Variants in CCDC7 observed in about 807,000 individuals in gnomAD.
CCDC7 encodes the protein coiled-coil domain containing 7, also known as coiled-coil domain-containing protein 7.
A neutral mutation model predicts 196.9 loss-of-function variants in CCDC7; 183 were observed. The observed-to-expected ratio is 0.93, with a 90% CI of 0.82 to 1.05. The LOEUF (loss-of-function observed/expected upper bound fraction) is 1.05, where lower values mean the gene tolerates loss of function less well. Ranked by LOEUF, CCDC7 falls within the 50% of genes least tolerant of loss-of-function variation. CCDC7 has a pLI of 0.00. For synonymous variants in CCDC7, 525 were observed against 484.6 expected (o/e 1.08, Z -1.10); for missense variants, 1,540 against 1,482.2 (o/e 1.04, Z -0.64).
chr10:32,446,882 TTGCCTGCCTGCC>T (rs71027088), upstream of CCDC7, among the ~76,000 whole-genome samples: 1 of 111,128 alleles, frequency 9.0e-6, no homozygotes, highest in African/African-American at 2.9e-5. Context: ...CAAGTGAGCG[TTGCCTGCCTGCC>T]TGCCTGCCTG....
At position 32,745,448 on chromosome 10, in the gene CCDC7, G is replaced by A. The variant is rs184809275; in HGVS notation, c.2905+15991G>A. 8.1e-4 allele frequency among the ~76,000 whole-genome samples: 124 copies of A among 152,326 alleles called. 1 individual carries two copies. The highest frequency in any genetic ancestry group is 2.1e-4 in the South Asian group (1 of 4,824). On this transcript the variant is annotated intron_variant, in intron 28 of 41. Transcript: ENST00000639629. ...CACAATGTAAGGGGAAGGAGAGCCA[G>A]CATATTACATGACAAGTGAGGGAGC...
At chr10:32,500,161 C>T (rs999889064) in intron 9 of CCDC7, among the ~76,000 whole-genome samples, 5 of 151,692 alleles carry the variant, frequency 3.3e-5, no homozygotes, top group African/African-American at 9.7e-5. Flanking sequence ...GGGCTCCCCA[C>T]TTCCCAGACG....
At chr10:32,541,371 A>G (rs1564595081) in intron 11 of CCDC7, among the ~76,000 whole-genome samples, 1 of 132,562 alleles carries the variant, frequency 7.5e-6, no homozygotes. Flanking sequence ...CCATATGGGT[A>G]TCAATGGGAG....
At chr10:32,593,370 C>T (rs1237296908) in intron 18 of CCDC7, among the ~76,000 whole-genome samples, 2 of 152,074 alleles carry the variant, frequency 1.3e-5, no homozygotes, top group African/African-American at 4.8e-5. Flanking sequence ...CTGTTCATAT[C>T]CTTTGCTCAC....
chr10:32,539,615 T>G (rs2051078973), intron 11 of CCDC7, among the ~76,000 whole-genome samples: 1 of 152,184 alleles, frequency 6.6e-6, no homozygotes, highest in South Asian at 2.1e-4. Flanking sequence ...GTTGTTAATT[T>G]TAGATCTTTC....
chr10:32,546,919 G>C (rs73253430), intron 13 of CCDC7, among the ~76,000 whole-genome samples: 6,943 of 152,168 alleles, frequency 0.046, 537 homozygotes, highest in African/African-American at 0.16. Context: ...TAACTTCTAG[G>C]GGCAGTCTGC....
chr10:32,689,329 T>G (rs758330139), intron 23 of CCDC7, among the ~76,000 whole-genome samples, 166 bp downstream of exon 24: 4 of 152,232 alleles, frequency 2.6e-5, no homozygotes, highest in Non-Finnish European at 5.9e-5. Context: ...TTGAGAGATT[T>G]CTGGCCCTTA....
Position 32,728,822 on chromosome 10 carries a change from G to C in CCDC7, c.2669-65G>C, listed in dbSNP as rs897652390. ...ATAACTTTATAAAAATAAGAGAAAT[G>C]TACATATTATACATTCATAGATTTA... On this transcript the variant is annotated intron_variant, in intron 26 of 41. Transcript: ENST00000639629. The C allele has an allele frequency of 4.7e-5, 39 of 826,874 alleles. 1 individual carries two copies. The Middle Eastern group carries it at 4.1e-3, about 87-fold the overall frequency. The allele number at this position is 826,874 out of a possible 1,614,324, so 51.2% of individuals were successfully genotyped here.
At chr10:32,483,317 A>C (rs184147025) in intron 8 of CCDC7, among the ~76,000 whole-genome samples, 22 of 152,286 alleles carry the variant, frequency 1.4e-4, no homozygotes, top group Non-Finnish European at 2.2e-4. Flanking sequence ...GTGTCTGTTC[A>C]TACCTGTTGC....
intron 21 of CCDC7, among the ~76,000 whole-genome samples, chr10:32,670,737 C>T (rs978933609): frequency 2.6e-5 from 4 of 152,076 alleles, no homozygotes; most frequent in Non-Finnish European, 4.4e-5. Flanking sequence ...TTTCAAAATA[C>T]CAACTCTTAG....
chr10:32,847,732 A>G (rs1593406629), intron 37 of CCDC7, 101 bp from the exon 39 acceptor site: 1 of 745,602 alleles, frequency 1.3e-6, no homozygotes, highest in Non-Finnish European at 2.2e-6. Flanking sequence ...AAAAAGGAAA[A>G]GAAAAGAAAA....
At chr10:32,541,504 C>T (rs16933461) in intron 11 of CCDC7, among the ~76,000 whole-genome samples, 8,854 of 152,304 alleles carry the variant, frequency 0.058, 281 homozygotes, top group African/African-American at 0.095. Flanking sequence ...AAGCCTTACC[C>T]GCCTGGCTAC....
intron 29 of CCDC7, among the ~76,000 whole-genome samples, chr10:32,786,529 G>A (rs1275395761): frequency 6.6e-6 from 1 of 152,232 alleles, no homozygotes; most frequent in African/African-American, 2.4e-5. Flanking sequence ...GGGAGGCCAA[G>A]GCGGGTGGAT....
intron 18 of CCDC7, among the ~76,000 whole-genome samples, chr10:32,589,558 A>G (rs2059594181): frequency 6.6e-6 from 1 of 152,072 alleles, no homozygotes; most frequent in Admixed American, 6.5e-5. Flanking sequence ...ATGTTCTGTA[A>G]ATATCTATTT....
At chr10:32,838,075 A>G (rs191231465) in intron 33 of CCDC7, among the ~76,000 whole-genome samples, 104 of 152,234 alleles carry the variant, frequency 6.8e-4, no homozygotes, top group African/African-American at 2.2e-3. Context: ...AAAATATAAT[A>G]CAAATATGCA....
chr10:32,756,904 A>G (rs2076555734), intron 28 of CCDC7, among the ~76,000 whole-genome samples: 1 of 152,252 alleles, frequency 6.6e-6, no homozygotes, highest in African/African-American at 2.4e-5. Context: ...GGATGGAGGA[A>G]GATCTGCCAA....
chr10:32,676,433 A>G (rs922945162), intron 21 of CCDC7, among the ~76,000 whole-genome samples: 1 of 151,094 alleles, frequency 6.6e-6, no homozygotes, highest in Non-Finnish European at 1.5e-5. Flanking sequence ...TGAACAGGCA[A>G]CCTACAAAAT....
chr10:32,705,580 C>T lies in CCDC7; in HGVS notation c.2459-6040C>T, dbSNP rs188977383. On this transcript the variant is annotated intron_variant, in intron 24 of 41. Transcript: ENST00000639629. ...TGCTATATTCAGGAGACCCATCTCA[C>T]GTGCAGAGGCACACATAGGCTCAAA... 1.8e-3 allele frequency among the ~76,000 whole-genome samples: 267 copies of T among 152,172 alleles called. 7 individuals carry two copies. The highest frequency in any genetic ancestry group is 7.1e-3 in the East Asian group (37 of 5,178).
At chr10:32,496,681 G>T (rs1351107702) in intron 9 of CCDC7, among the ~76,000 whole-genome samples, 1 of 152,146 alleles carries the variant, frequency 6.6e-6, no homozygotes, top group African/African-American at 2.4e-5. Flanking sequence ...CTGTTTATGT[G>T]ATGGATTACG....
Sources: allele counts gnomAD v4.1 joint callset (sites outside exome capture counted in the v4.1 genomes callset), GRCh38; gene constraint gnomAD v4.1.1; transcripts MANE v1.5; gene names NCBI Gene and HGNC (gene_info 2026-07-23, HGNC 2026-07-21).